Variants in TRAPPC3L observed in about 807,000 individuals in gnomAD.
The protein encoded by TRAPPC3L is trafficking protein particle complex subunit 3-like protein.
In TRAPPC3L, 23 loss-of-function variants were observed where a neutral mutation model predicts 23.7. That is an observed-to-expected ratio of 0.97 (90% CI 0.70 to 1.37). TRAPPC3L has a LOEUF of 1.37. TRAPPC3L is among the 40% of genes most tolerant of loss of function. The pLI, the probability that TRAPPC3L is intolerant of heterozygous loss-of-function variation, is 0.00. For missense variants in TRAPPC3L, 212 were observed against 216.8 expected (o/e 0.98, Z 0.14); for synonymous variants, 81 against 77.9 (o/e 1.04, Z -0.21).
At chr6:116,535,698 C>A (rs187870265) in intron 3 of TRAPPC3L, among the ~76,000 whole-genome samples, 3 of 152,158 alleles carry the variant, frequency 2.0e-5, no homozygotes, top group Non-Finnish European at 4.4e-5. Context: ...CAACTAAAAT[C>A]AGCTATGGTA....
At chr6:116,525,916 G>T (rs1346788298) in intron 3 of TRAPPC3L, among the ~76,000 whole-genome samples, 1 of 152,170 alleles carries the variant, frequency 6.6e-6, no homozygotes, top group Non-Finnish European at 1.5e-5. Context: ...GGTTTCAACA[G>T]AACACAATTA....
chr6:116,540,933 A>AG (rs1356328154), intron 2 of TRAPPC3L, among the ~76,000 whole-genome samples: 2 of 152,128 alleles, frequency 1.3e-5, no homozygotes, highest in Non-Finnish European at 2.9e-5. Flanking sequence ...CTCTGGAAGG[A>AG]GGGGAAGAAG....
At chr6:116,503,214 G>A (rs1213956909) in intron 3 of TRAPPC3L, among the ~76,000 whole-genome samples, 1 of 151,890 alleles carries the variant, frequency 6.6e-6, no homozygotes, top group African/African-American at 2.4e-5. Flanking sequence ...AAAAAAGTAG[G>A]GGTTGCCATC....
intron 3 of TRAPPC3L, chr6:116,519,210 A>G (rs1287688005): frequency 6.6e-6 from 1 of 152,210 alleles, no homozygotes; most frequent in African/African-American, 2.4e-5. Context: ...TACATGATTT[A>G]TTAAAAGGAA....
chr6:116,499,616 A>C (rs1771883082), intron 4 of TRAPPC3L, among the ~76,000 whole-genome samples: 1 of 152,194 alleles, frequency 6.6e-6, no homozygotes, highest in African/African-American at 2.4e-5. Context: ...GAACTAATTC[A>C]AGTTCTTTGT....
At chr6:116,543,509 C>A in intron 1 of TRAPPC3L, 109 bp from the exon 2 acceptor site, 2 of 905,494 alleles carry the variant, frequency 2.2e-6, no homozygotes, top group South Asian at 1.8e-5. Flanking sequence ...GTCACCTGTA[C>A]ATTTTTTCCT....
chr6:116,543,756 T>C, intron 1 of TRAPPC3L: 1 of 1,369,728 alleles, frequency 7.3e-7, no homozygotes. Context: ...ATGCCATCCA[T>C]GTTTTCAGTT....
In TRAPPC3L at chr6:116,544,081, A is replaced by G. The variant is rs75391266; in HGVS notation, c.43-681T>C. 7.6e-4 allele frequency among the ~76,000 whole-genome samples: 116 copies of G among 151,772 alleles called. 1 individual carries two copies. The East Asian group carries it at 0.02, about 27-fold the overall frequency. On this transcript the variant is annotated intron_variant, in intron 1 of 4. Transcript: ENST00000368602. ...TCAATGAAAAGTCTGCTCAACATAT[A>G]AGAGCCACAGCAGAAGACAAAGTGC...
intron 3 of TRAPPC3L, chr6:116,519,221 A>T (rs1477297970): frequency 6.6e-6 from 1 of 152,216 alleles, no homozygotes; most frequent in East Asian, 1.9e-4. Context: ...TTAAAAGGAA[A>T]TCCTCTTAGG....
intron 2 of TRAPPC3L, among the ~76,000 whole-genome samples, chr6:116,540,679 T>G (rs892598658): frequency 2.6e-5 from 4 of 152,042 alleles, no homozygotes; most frequent in Non-Finnish European, 4.4e-5. Flanking sequence ...ACTGGTCTCC[T>G]GCAAGCAGAA....
At chr6:116,503,846 G>A (rs550013905) in intron 3 of TRAPPC3L, among the ~76,000 whole-genome samples, 25 of 152,178 alleles carry the variant, frequency 1.6e-4, no homozygotes, top group Non-Finnish European at 3.1e-4. Flanking sequence ...CACAATGTAC[G>A]AGAACCTCCG....
chr6:116,541,728 A>C (rs1773476524), intron 2 of TRAPPC3L, among the ~76,000 whole-genome samples: 1 of 152,208 alleles, frequency 6.6e-6, no homozygotes, highest in African/African-American at 2.4e-5. Context: ...ATTAAAAAAT[A>C]TTTCCAGTGT....
At chr6:116,502,322 A>T (rs1462018713) in intron 3 of TRAPPC3L, among the ~76,000 whole-genome samples, 1 of 152,236 alleles carries the variant, frequency 6.6e-6, no homozygotes, top group Non-Finnish European at 1.5e-5. Context: ...GCAAGATTAG[A>T]GAAAAAAGGG....
At chr6:116,499,148 C>G (rs556209137) in intron 4 of TRAPPC3L, among the ~76,000 whole-genome samples, 1 of 152,302 alleles carries the variant, frequency 6.6e-6, no homozygotes, top group African/African-American at 2.4e-5. Context: ...ATAGTACAAC[C>G]ATCTCTACAG....
chr6:116,531,196 A>G (rs1454611613), intron 3 of TRAPPC3L, among the ~76,000 whole-genome samples: 1 of 151,894 alleles, frequency 6.6e-6, no homozygotes, highest in Non-Finnish European at 1.5e-5. Context: ...TACTTAACAC[A>G]GGGCTAGTGA....
intron 3 of TRAPPC3L, among the ~76,000 whole-genome samples, chr6:116,529,872 A>G (rs1772590491): frequency 6.6e-6 from 1 of 152,194 alleles, no homozygotes; most frequent in African/African-American, 2.4e-5. Flanking sequence ...CCATAAAGTA[A>G]GTTGTGTGTA....
intron 2 of TRAPPC3L, among the ~76,000 whole-genome samples, chr6:116,542,370 A>G (rs1773517873): frequency 6.6e-6 from 1 of 152,150 alleles, no homozygotes. Context: ...CAGAAAGAAG[A>G]AAAATGAGAG....
At chr6:116,515,355 G>A (rs754439251) in intron 3 of TRAPPC3L, among the ~76,000 whole-genome samples, 12 of 152,192 alleles carry the variant, frequency 7.9e-5, no homozygotes, top group Admixed American at 2.0e-4. Context: ...CTGCCTTCTG[G>A]TTATTTCTTT....
intron 4 of TRAPPC3L, among the ~76,000 whole-genome samples, chr6:116,499,072 C>T (rs555592044): frequency 7.5e-4 from 114 of 152,306 alleles, no homozygotes; most frequent in African/African-American, 2.7e-3. Flanking sequence ...GGCTCAAAAT[C>T]GAACTCCTCA....
Sources: gnomAD v4.1 joint callset for allele counts (sites outside exome capture counted in the v4.1 genomes callset) on GRCh38, gnomAD v4.1.1 for gene constraint, MANE v1.5 for transcripts, NCBI Gene and HGNC (gene_info 2026-07-23, HGNC 2026-07-21) for gene names.